SLC1A2: variants seen among roughly 807,000 people sequenced by gnomAD.
The protein encoded by SLC1A2 is solute carrier family 1 member 2, also known as excitatory amino acid transporter 2.
A neutral mutation model predicts 48.8 loss-of-function variants in SLC1A2; 15 were observed. The ratio of observed to expected loss-of-function variants is 0.31; its 90% confidence interval spans 0.21 to 0.47. SLC1A2 has a LOEUF of 0.47. Ranked by LOEUF, SLC1A2 falls within the 20% of genes least tolerant of loss-of-function variation. SLC1A2 has a pLI of 0.99. For synonymous variants in SLC1A2, 279 were observed against 272.6 expected, an observed-to-expected ratio of 1.02 and a Z score of -0.23; for missense variants, 502 against 730.5, an observed-to-expected ratio of 0.69 and a Z score of 3.61.
chr11:35,382,861 G>T (rs1018606452), intron 1 of SLC1A2, among the ~76,000 whole-genome samples: 1 of 152,010 alleles, frequency 6.6e-6, no homozygotes, highest in Non-Finnish European at 1.5e-5. Context: ...GACCTTTAAG[G>T]TATTATTGTT....
chr11:35,373,620 G>T (rs977396545), intron 1 of SLC1A2, among the ~76,000 whole-genome samples: 5 of 152,254 alleles, frequency 3.3e-5, no homozygotes, highest in Non-Finnish European at 7.3e-5. Context: ...GGAGAGGGCT[G>T]CAGGCTGTGC....
At chr11:35,394,012 AGACTGATC>A (rs2135249239) in intron 1 of SLC1A2, among the ~76,000 whole-genome samples, 1 of 152,252 alleles carries the variant, frequency 6.6e-6, no homozygotes, top group African/African-American at 2.4e-5. Context: ...TAAAGGAAAA[AGACTGATC>A]TGTTCAACTG....
At chr11:35,273,462 T>C (rs755895419) in intron 9 of SLC1A2, among the ~76,000 whole-genome samples, 2 of 152,230 alleles carry the variant, frequency 1.3e-5, no homozygotes, top group African/African-American at 4.8e-5. Context: ...CCTGCAAGCA[T>C]GTTGAGAAGA....
chr11:35,265,159 G>A (rs896096091), intron 10 of SLC1A2: 7 of 266,832 alleles, frequency 2.6e-5, no homozygotes, highest in Non-Finnish European at 4.9e-5. Flanking sequence ...TAGCCAGGAT[G>A]GTCTTGATCT....
chr11:35,266,135 T>C (rs1441952472), intron 9 of SLC1A2, among the ~76,000 whole-genome samples: 1 of 152,248 alleles, frequency 6.6e-6, no homozygotes, highest in Admixed American at 6.5e-5. Flanking sequence ...CACACCTAGC[T>C]GAGTACAGCA....
Position 35,386,340 on chromosome 11 carries a change from G to A in SLC1A2, c.17+32610C>T, listed in dbSNP as rs1244861790. Among the ~76,000 whole-genome samples the A allele has an allele frequency of 4.0e-5, 6 of 150,464 alleles. No individual in the cohort carries two copies. In the East Asian group the frequency reaches 1.2e-3, roughly 29 times the overall value. On this transcript the variant is annotated intron_variant, in intron 1 of 10. Coordinates refer to ENST00000278379, the MANE Select transcript of SLC1A2 (RefSeq NM_004171.4). ...TTCTCTCATTCCTCACTCTTTTATT[G>A]TGCCAGAAAAAAAAAGATGTCATTT...
intron 1 of SLC1A2, among the ~76,000 whole-genome samples, chr11:35,338,252 G>T (rs1049020836): frequency 6.6e-6 from 1 of 152,124 alleles, no homozygotes; most frequent in South Asian, 2.1e-4. Flanking sequence ...ATATTTATCT[G>T]ACCCTTTACA....
intron 1 of SLC1A2, among the ~76,000 whole-genome samples, chr11:35,377,597 C>T (rs953236924): frequency 1.3e-5 from 2 of 152,122 alleles, no homozygotes; most frequent in Non-Finnish European, 2.9e-5. Flanking sequence ...CCCTGATGGC[C>T]GAGGTCTGTG....
intron 2 of SLC1A2, chr11:35,315,759 C>T (rs1851852693): frequency 6.8e-6 from 1 of 146,694 alleles, no homozygotes; most frequent in Non-Finnish European, 1.5e-5. Flanking sequence ...GGTGCCATTG[C>T]ACTCCAGTGT....
chr11:35,346,679 T>C (rs1482404099), intron 1 of SLC1A2, among the ~76,000 whole-genome samples: 1 of 152,368 alleles, frequency 6.6e-6, no homozygotes, highest in Non-Finnish European at 1.5e-5. Context: ...ACTCAAAGCG[T>C]AAGCTAGTAA....
At chr11:35,308,666 C>T (rs1384186245) in intron 4 of SLC1A2, among the ~76,000 whole-genome samples, 1 of 152,152 alleles carries the variant, frequency 6.6e-6, no homozygotes, top group African/African-American at 2.4e-5. Flanking sequence ...GCAGAGACCT[C>T]ATGGCCTAAT....
chr11:35,399,793 C>A (rs1855083436), intron 1 of SLC1A2: 1 of 153,150 alleles, frequency 6.5e-6, no homozygotes, highest in Admixed American at 6.5e-5. Flanking sequence ...GTGAACTCTG[C>A]ACAATTACAG....
chr11:35,283,547 A>G (rs1465063630), intron 8 of SLC1A2, among the ~76,000 whole-genome samples: 3 of 152,208 alleles, frequency 2.0e-5, no homozygotes, highest in East Asian at 3.9e-4. Flanking sequence ...AACCCTGTGT[A>G]GATAAATTTA....
intron 1 of SLC1A2, among the ~76,000 whole-genome samples, chr11:35,319,198 A>G (rs918405994): frequency 6.6e-6 from 1 of 152,180 alleles, no homozygotes; most frequent in Admixed American, 6.5e-5. Flanking sequence ...TGAGCAACAA[A>G]TATCACTTCC....
intron 6 of SLC1A2, among the ~76,000 whole-genome samples, chr11:35,296,417 C>A (rs1348690787): frequency 6.6e-6 from 1 of 152,220 alleles, no homozygotes; most frequent in Non-Finnish European, 1.5e-5. Flanking sequence ...GTTCCAGCTA[C>A]CCAAAGAGTG....
intron 6 of SLC1A2, 89 bp from the exon 7 acceptor site, chr11:35,292,609 C>T (rs952464097): frequency 1.1e-5 from 8 of 708,910 alleles, no homozygotes; most frequent in East Asian, 7.8e-5. Context: ...CTGAGGAAAA[C>T]GCTTGGCTCT....
At chr11:35,279,143 C>T (rs886817681) in intron 9 of SLC1A2, among the ~76,000 whole-genome samples, 1 of 152,212 alleles carries the variant, frequency 6.6e-6, no homozygotes, top group African/African-American at 2.4e-5. Context: ...GGACTCTGGG[C>T]CAGCACTTGT....
intron 2 of SLC1A2, chr11:35,316,334 T>A (rs1851875064): frequency 6.6e-6 from 1 of 152,356 alleles, no homozygotes; most frequent in Middle Eastern, 3.4e-3. Context: ...CAGTGTTAAT[T>A]CCACAGATGA....
Position 35,419,318 on chromosome 11 carries a change from G to T in SLC1A2, c.-352C>A. On this transcript the variant is annotated 5_prime_UTR_variant, in exon 1 of 11. Coordinates refer to ENST00000278379, the MANE Select transcript of SLC1A2 (RefSeq NM_004171.4). The surrounding 1 kb of genome is among the most constrained non-coding windows in gnomAD (Gnocchi z 5.4). ...ACGCCGGCGATGCGCCCCTGCAGCC[G>T]CTGCCACCTGTGCTTTGCTGCGGGG... 3.8e-6 allele frequency: 1 copy of T among 261,924 alleles called. No individual in the cohort carries two copies. The highest frequency in any genetic ancestry group is 7.1e-5 in the East Asian group (1 of 14,010). 16.2% of individuals were successfully genotyped at this position (261,924 alleles called of 1,614,324 possible). A position where few individuals can be genotyped will look rare whatever the true frequency, so the allele number is the denominator to read the frequency against.
Sources: gnomAD v4.1 joint callset for allele counts (sites outside exome capture counted in the v4.1 genomes callset) on GRCh38, gnomAD v4.1.1 for gene constraint, Gnocchi (gnomAD v3.1) non-coding constraint, MANE v1.5 for transcripts, NCBI Gene and HGNC (gene_info 2026-07-23, HGNC 2026-07-21) for gene names.